The following HCRTR2 variants were observed in gnomAD, a reference collection of about 807,000 sequenced individuals.
HCRTR2 encodes orexin receptor type 2.
In HCRTR2, 22 loss-of-function variants were observed where a neutral mutation model predicts 49.0. That is an observed-to-expected ratio of 0.45 (90% confidence interval 0.32 to 0.64). The LOEUF (loss-of-function observed/expected upper bound fraction) is 0.64. HCRTR2 is among the 30% of genes least tolerant of loss of function. The pLI is 0.04. For missense variants in HCRTR2, 491 were observed against 559.4 expected, an observed-to-expected ratio of 0.88 and a Z score of 1.23; for synonymous variants, 236 against 205.3, an observed-to-expected ratio of 1.15 and a Z score of -1.28.
At chr6:55,229,351 A>G (rs1250513256) in intron 1 of HCRTR2, among the ~76,000 whole-genome samples, 1 of 152,192 alleles carries the variant, frequency 6.6e-6, no homozygotes, top group African/African-American at 2.4e-5. Context: ...TTTTCCTCAA[A>G]AAATCAAAAA....
rs200967732 is a variant in HCRTR2 at position 55,192,401 on chromosome 6, A to ACG, written c.223+17603_223+17604dup. Reference sequence around the variant, plus strand: ...AGAACCTTTCTCTAAACACACACACACGCGCGCGCGCGCACACACACACAC... The same window carrying ACG: ...AGAACCTTTCTCTAAACACACACACACGCGCGCGCGCGCGCACACACACACAC... On this transcript the variant is annotated intron_variant, in intron 1 of 6. Transcript: ENST00000370862. 5.9e-3 allele frequency among the ~76,000 whole-genome samples: 830 copies of ACG among 141,800 alleles called. 4 individuals carry two copies. Among genetic ancestry groups the ACG allele is most frequent in the Non-Finnish European group, 8.7e-3 (561 of 64,716 alleles). 93.0% of individuals were successfully genotyped at this position (141,800 alleles called of 152,430 possible).
At chr6:55,221,173 T>C (rs1320406087) in intron 1 of HCRTR2, among the ~76,000 whole-genome samples, 4 of 152,182 alleles carry the variant, frequency 2.6e-5, no homozygotes, top group African/African-American at 4.8e-5. Flanking sequence ...AATTATGATG[T>C]CATTTTTTTC....
chr6:55,167,520 A>G (rs1429034465), intron 1 of HCRTR2, among the ~76,000 whole-genome samples: 1 of 152,164 alleles, frequency 6.6e-6, no homozygotes, highest in East Asian at 1.9e-4. Context: ...GTTATTTTCA[A>G]GGAAAAGAAG....
At chr6:55,221,492 C>A (rs1289161467) in intron 1 of HCRTR2, among the ~76,000 whole-genome samples, 1 of 152,056 alleles carries the variant, frequency 6.6e-6, no homozygotes, top group Admixed American at 6.5e-5. Flanking sequence ...AGACCCTACT[C>A]AAAAAATCAA....
intron 1 of HCRTR2, among the ~76,000 whole-genome samples, chr6:55,150,120 C>T (rs1305580774): frequency 6.6e-6 from 1 of 151,882 alleles, no homozygotes; most frequent in African/African-American, 2.4e-5. Flanking sequence ...CAACACATCA[C>T]ATACATTTAA....
chr6:55,284,390 T>C (rs1767248673), downstream of HCRTR2, among the ~76,000 whole-genome samples: 1 of 152,120 alleles, frequency 6.6e-6, no homozygotes, highest in African/African-American at 2.4e-5. Flanking sequence ...ACATGCTAAC[T>C]TCCACCCTAT....
intron 1 of HCRTR2, among the ~76,000 whole-genome samples, chr6:55,107,558 TC>T (rs1475065242): frequency 1.2e-4 from 18 of 152,120 alleles, no homozygotes; most frequent in African/African-American, 4.3e-4. Flanking sequence ...CACTATAGTT[TC>T]TCCTTGACCT....
chr6:55,255,499 T>A, intron 3 of HCRTR2, 120 bp downstream of exon 3: 1 of 1,215,968 alleles, frequency 8.2e-7, no homozygotes, highest in Non-Finnish European at 1.2e-6. Context: ...GAATACAGTT[T>A]TGCAAGAGCA....
At chr6:55,147,878 C>T (rs748071321) in intron 1 of HCRTR2, among the ~76,000 whole-genome samples, 1 of 151,940 alleles carries the variant, frequency 6.6e-6, no homozygotes, top group Admixed American at 6.6e-5. Context: ...GTAGAATCTG[C>T]CTAAATGGAA....
At chr6:55,210,701 G>T (rs553466329) in intron 1 of HCRTR2, among the ~76,000 whole-genome samples, 1 of 152,190 alleles carries the variant, frequency 6.6e-6, no homozygotes, top group East Asian at 1.9e-4. Context: ...ATAAGGAACT[G>T]TCTCTAGGCT....
intron 1 of HCRTR2, among the ~76,000 whole-genome samples, chr6:55,114,471 C>T (rs1764090666): frequency 6.6e-6 from 1 of 151,636 alleles, no homozygotes; most frequent in South Asian, 2.1e-4. Context: ...CTCCTGTTTC[C>T]CTGAGCTGAG....
chr6:55,221,596 G>T (rs768687561), intron 1 of HCRTR2, among the ~76,000 whole-genome samples: 1 of 152,070 alleles, frequency 6.6e-6, no homozygotes, highest in Non-Finnish European at 1.5e-5. Context: ...GTCAGATCAC[G>T]AGGTCAGAAG....
At chr6:55,209,769 A>G (rs1562007806) in intron 1 of HCRTR2, among the ~76,000 whole-genome samples, 1 of 151,268 alleles carries the variant, frequency 6.6e-6, no homozygotes, top group African/African-American at 2.4e-5. Flanking sequence ...ATTGGCTTAG[A>G]TTTTTTTTTC....
upstream of HCRTR2, among the ~76,000 whole-genome samples, chr6:55,171,926 G>A (rs557552709): frequency 6.6e-6 from 1 of 152,264 alleles, no homozygotes; most frequent in African/African-American, 2.4e-5. Flanking sequence ...ATTTGCAGAT[G>A]TTAATGAATA....
At chr6:55,210,177 T>C (rs1288468375) in intron 1 of HCRTR2, among the ~76,000 whole-genome samples, 1 of 152,126 alleles carries the variant, frequency 6.6e-6, no homozygotes. Context: ...TTATTAGAAA[T>C]GTGTTATTTC....
intron 1 of HCRTR2, among the ~76,000 whole-genome samples, chr6:55,176,395 G>T (rs945625574): frequency 1.3e-5 from 2 of 152,164 alleles, no homozygotes; most frequent in Admixed American, 6.5e-5. Context: ...GCATAATTCT[G>T]TTGATAATAA....
Position 55,116,717 on chromosome 6 carries a change from A to G in HCRTR2, c.-378+10172A>G, listed in dbSNP as rs199966862. On this transcript the variant is annotated intron_variant, in intron 1 of 7. Transcript: ENST00000615358. Reference sequence around the variant, plus strand: ...GAACAGTACTGTAAAGAGAGAGAGAAAAAAAAAAAAACTCTTATTCCAGTG... The same window carrying G: ...GAACAGTACTGTAAAGAGAGAGAGAGAAAAAAAAAAACTCTTATTCCAGTG... Among the ~76,000 whole-genome samples the G allele has an allele frequency of 1.6e-3, 23 of 14,186 alleles. 3 individuals are homozygous for G. In the East Asian group the frequency reaches 0.016, roughly 10 times the overall value. 9.3% of individuals were successfully genotyped at this position (14,186 alleles called of 152,430 possible).
chr6:55,141,358 A>C (rs976884946), intron 1 of HCRTR2, among the ~76,000 whole-genome samples: 2 of 151,900 alleles, frequency 1.3e-5, no homozygotes, highest in African/African-American at 4.8e-5. Context: ...GAAGAAAAAA[A>C]GAAAAAGAAA....
At chr6:55,187,745 T>C (rs1157904277) in intron 1 of HCRTR2, among the ~76,000 whole-genome samples, 1 of 150,160 alleles carries the variant, frequency 6.7e-6, no homozygotes, top group Non-Finnish European at 1.5e-5. Flanking sequence ...GCTATTGTGT[T>C]AGTTGTCTGA....
Sources: allele counts gnomAD v4.1 joint callset (sites outside exome capture counted in the v4.1 genomes callset), GRCh38; gene constraint gnomAD v4.1.1; transcripts MANE v1.5; gene names NCBI Gene and HGNC (gene_info 2026-07-23, HGNC 2026-07-21).